OSGIN2: variants seen among roughly 807,000 people sequenced by gnomAD.
OSGIN2 encodes the protein oxidative stress-induced growth inhibitor 2.
In OSGIN2, 19 loss-of-function variants were observed where a neutral mutation model predicts 53.8. The ratio of observed to expected loss-of-function variants is 0.35; its 90% CI spans 0.25 to 0.52. The LOEUF (loss-of-function observed/expected upper bound fraction) is 0.52, where lower values mean the gene tolerates loss of function less well. Ranked by LOEUF, OSGIN2 falls within the 20% of genes least tolerant of loss-of-function variation. The pLI is 0.95. For synonymous variants in OSGIN2, 236 were observed against 236.0 expected, an observed-to-expected ratio of 1.00 and a Z score of 0.00; for missense variants, 520 against 662.7, an observed-to-expected ratio of 0.78 and a Z score of 2.36.
rs887010325 is a variant in OSGIN2 at position 89,927,361 on chromosome 8, T to C, written c.*1829T>C. The C allele has an allele frequency of 2.6e-5, 4 of 152,084 alleles. No individual in the cohort carries two copies. Among genetic ancestry groups the C allele is most frequent in the African/African-American group, 9.7e-5 (4 of 41,420 alleles). 9.4% of individuals were successfully genotyped at this position (152,084 alleles called of 1,614,324 possible). On this transcript the variant is annotated 3_prime_UTR_variant, in exon 6 of 6. Transcript: ENST00000451899. ...AGCTGCAAATAAATCTGGTGAATAA[T>C]TTCATCTTTGGTAATCTCCCATTTC...
In OSGIN2 at chr8:89,926,467, C is replaced by T. The variant is rs903771148; in HGVS notation, c.*935C>T. 2 of 152,484 alleles carry T rather than the reference C, an allele frequency of 1.3e-5. No homozygotes were observed. The highest frequency in any genetic ancestry group is 2.9e-5 in the Non-Finnish European group (2 of 68,004). 9.4% of individuals were successfully genotyped at this position (152,484 alleles called of 1,614,324 possible). ...AGGTATTTGGGTGTGGTAAGTACTT[C>T]GAAAATTGTAATACTGTTTGGGCAT... On this transcript the variant is annotated 3_prime_UTR_variant, in exon 6 of 6. Coordinates refer to ENST00000451899, the MANE Select transcript of OSGIN2 (RefSeq NM_001126111.3).
chr8:89,921,435 C>CGATG (rs1809201831), intron 5 of OSGIN2: 1 of 325,488 alleles, frequency 3.1e-6, no homozygotes, highest in Non-Finnish European at 5.6e-6. Context: ...CTTGTTACAT[C>CGATG]ACTCTCTGTT....
chr8:89,922,054 T>A (rs1429627309), intron 5 of OSGIN2, among the ~76,000 whole-genome samples: 1 of 152,070 alleles, frequency 6.6e-6, no homozygotes, highest in Non-Finnish European at 1.5e-5. Flanking sequence ...TCCCAAAATT[T>A]AAAAAGAGAA....
At chr8:89,923,127 T>G (rs1809244041) in intron 5 of OSGIN2, among the ~76,000 whole-genome samples, 1 of 152,166 alleles carries the variant, frequency 6.6e-6, no homozygotes, top group African/African-American at 2.4e-5. Context: ...CCTAGCACAT[T>G]ACTGTACACT....
intron 1 of OSGIN2, among the ~76,000 whole-genome samples, chr8:89,903,520 T>G (rs1808773409): frequency 1.3e-5 from 2 of 152,218 alleles, no homozygotes; most frequent in Non-Finnish European, 2.9e-5. Flanking sequence ...AGGGAATACT[T>G]TAGTACCTTG....
Position 89,926,632 on chromosome 8 carries a change from C to T in OSGIN2, c.*1100C>T, listed in dbSNP as rs1809339945. The T allele has an allele frequency of 6.6e-6, 1 of 152,222 alleles. No individual in the cohort carries two copies. The highest frequency in any genetic ancestry group is 2.1e-4 in the South Asian group (1 of 4,824). 9.4% of individuals were successfully genotyped at this position (152,222 alleles called of 1,614,324 possible). On this transcript the variant is annotated 3_prime_UTR_variant, in exon 6 of 6. Transcript: ENST00000451899. ...TATCATGGTTGTTTATTGGATTTAT[C>T]TGTTCTAATTATATAAGTGTGTTTA...
At chr8:89,923,050 A>G (rs1386917664) in intron 5 of OSGIN2, among the ~76,000 whole-genome samples, 1 of 152,232 alleles carries the variant, frequency 6.6e-6, no homozygotes, top group Non-Finnish European at 1.5e-5. Context: ...GGCGCTTACC[A>G]TGAATGGAGC....
At position 89,924,913 on chromosome 8, in the gene OSGIN2, A is replaced by C; in HGVS notation, c.1031A>C (p.Lys344Thr). The C allele has an allele frequency of 1.2e-6, 2 of 1,614,162 alleles. No individual in the cohort carries two copies. The highest frequency in any genetic ancestry group is 8.5e-7 in the Non-Finnish European group (1 of 1,180,014). Reference protein sequence around the residue: ...AAINKGKLRGKVDPVLIVGSG... With the variant: ...AAINKGKLRGTVDPVLIVGSG... The stretch of plus-strand genomic sequence containing the variant: ...ATAAACAAAGGAAAGTTGCGTGGCA[A>C]AGTGGATCCAGTGTTAATTGTAGGT... The change falls in exon 6 of 6, where the codon AAA (lysine) becomes ACA (threonine). Residue 344 changes from lysine (K) to threonine (T), a missense_variant. Physicochemically the swap from Lys to Thr is moderately conservative, Grantham distance 78. Coordinates refer to ENST00000451899, the MANE Select transcript of OSGIN2 (RefSeq NM_001126111.3).
At chr8:89,913,997 T>C in intron 2 of OSGIN2, 80 bp from the exon 3 acceptor site, 1 of 1,173,860 alleles carries the variant, frequency 8.5e-7, no homozygotes, top group South Asian at 1.4e-5. Context: ...AAAAGAGCCA[T>C]CTTCAAAGTA....
chr8:89,913,735 G>T (rs1809019545), intron 2 of OSGIN2, among the ~76,000 whole-genome samples: 1 of 152,180 alleles, frequency 6.6e-6, no homozygotes, highest in Non-Finnish European at 1.5e-5. Flanking sequence ...TCATGAGCTT[G>T]CTTTTGAGCA....
chr8:89,923,392 A>T (rs1369995557), intron 5 of OSGIN2, among the ~76,000 whole-genome samples: 1 of 152,196 alleles, frequency 6.6e-6, no homozygotes, highest in Non-Finnish European at 1.5e-5. Flanking sequence ...CAAAAGAAAA[A>T]TTTTTGTGAA....
chr8:89,909,572 A>G lies in OSGIN2; in HGVS notation c.50A>G (p.Tyr17Cys), dbSNP rs564127276. 9 of 1,522,752 alleles carry G rather than the reference A, an allele frequency of 5.9e-6. No individual in the cohort carries two copies. The East Asian group carries it at 7.1e-5, about 12-fold the overall frequency. The allele number at this position is 1,522,752 out of a possible 1,614,324, so 94.3% of individuals were successfully genotyped here. Residue 17 changes from tyrosine (Y) to cysteine (C), a missense_variant, in exon 2 of 6, where the codon TAT (tyrosine) becomes TGT (cysteine). Coordinates refer to ENST00000451899, the MANE Select transcript of OSGIN2 (RefSeq NM_001126111.3). ...CCCCTTTTTTTTTTTTAAAGAAACT[A>G]TAGTGACACTGAAACTGAAGGAGAG... ...RCSLAGHFRN[Y>C]SDTETEGEIF...
intron 4 of OSGIN2, among the ~76,000 whole-genome samples, chr8:89,917,788 C>T (rs1363674596): frequency 6.6e-6 from 1 of 151,868 alleles, no homozygotes; most frequent in Admixed American, 6.6e-5. Flanking sequence ...TTTTTTTAAT[C>T]CCCTGTTATA....
intron 1 of OSGIN2, among the ~76,000 whole-genome samples, chr8:89,904,220 A>C (rs1036839072): frequency 1.3e-5 from 2 of 152,254 alleles, no homozygotes; most frequent in Admixed American, 6.5e-5. Flanking sequence ...AGGTTCCCCT[A>C]GTGAAACTTG....
chr8:89,918,514 T>G (rs1359464440), intron 4 of OSGIN2, among the ~76,000 whole-genome samples: 1 of 152,168 alleles, frequency 6.6e-6, no homozygotes, highest in Non-Finnish European at 1.5e-5. Context: ...CAAGCCCAGG[T>G]CTTTTCTTCA....
chr8:89,904,806 G>A (rs1421734368), intron 1 of OSGIN2, among the ~76,000 whole-genome samples: 8 of 151,996 alleles, frequency 5.3e-5, no homozygotes. Context: ...GAGTGAGACT[G>A]TCTCAAAAAA....
Position 89,902,735 on chromosome 8 carries a change from C to T in OSGIN2, c.-59C>T. On this transcript the variant is annotated 5_prime_UTR_variant, in exon 1 of 6. Coordinates refer to ENST00000451899, the MANE Select transcript of OSGIN2 (RefSeq NM_001126111.3). ...CGGGCGCCCCGAGCGGGCAGCCTCG[C>T]CGGGGGAGGCGGAGGCGGCCACGGC... The T allele has an allele frequency of 2.8e-6, 3 of 1,060,828 alleles. No homozygotes were observed. Among genetic ancestry groups the T allele is most frequent in the Non-Finnish European group, 3.5e-6 (3 of 855,004 alleles). 65.7% of individuals were successfully genotyped at this position (1,060,828 alleles called of 1,614,324 possible).
rs34703419 is a variant in OSGIN2, at chr8:89,924,357, G to GTT, written c.621-137_621-136dup. The GTT allele has an allele frequency of 2.1e-3, 1,106 of 516,694 alleles. 7 individuals carry two copies. Among genetic ancestry groups the GTT allele is most frequent in the African/African-American group, 0.019 (982 of 50,514 alleles). 32.0% of individuals were successfully genotyped at this position (516,694 alleles called of 1,614,324 possible). A position where few individuals can be genotyped will look rare whatever the true frequency, so the allele number is the denominator to read the frequency against. ...TCATGAAGATTTTTAACTAAAAATA[G>GTT]TTTTTTTTTTAAGTGTTAGGATAAT... On this transcript the variant is annotated intron_variant, in intron 5 of 5. Transcript: ENST00000451899.
Position 89,925,988 on chromosome 8 carries a change from ACT to A in OSGIN2, c.*460_*461del, listed in dbSNP as rs913125808. The A allele has an allele frequency of 6.4e-6, 1 of 156,722 alleles. No individual in the cohort carries two copies. Among genetic ancestry groups the A allele is most frequent in the African/African-American group, 2.4e-5 (1 of 41,364 alleles). The allele number at this position is 156,722 out of a possible 1,614,324, so 9.7% of individuals were successfully genotyped here. ...CATCTGTAGCTTGTTAGAAATGTAA[ACT>A]CTCAGGCCCCACAACTTACTTCCTG... On this transcript the variant is annotated 3_prime_UTR_variant, in exon 6 of 6. Coordinates refer to ENST00000451899, the MANE Select transcript of OSGIN2 (RefSeq NM_001126111.3).
Sources: allele counts gnomAD v4.1 joint callset (sites outside exome capture counted in the v4.1 genomes callset), GRCh38; gene constraint gnomAD v4.1.1; transcripts MANE v1.5; gene names NCBI Gene and HGNC (gene_info 2026-07-23, HGNC 2026-07-21).